SLC22A9: variants seen among roughly 807,000 people sequenced by gnomAD.
SLC22A9 encodes the protein organic anion transporter 7.
Under a neutral mutation model 50.1 loss-of-function variants are expected in SLC22A9, and 64 were observed. The observed-to-expected ratio is 1.28, with a 90% CI of 1.04 to 1.57. The LOEUF (loss-of-function observed/expected upper bound fraction) is 1.57. Ranked by LOEUF, SLC22A9 falls within the 40% of genes most tolerant of loss-of-function variation. SLC22A9 has a pLI of 0.00. For missense variants in SLC22A9, 757 were observed against 676.1 expected (o/e 1.12, Z -1.33); for synonymous variants, 261 against 242.5 (o/e 1.08, Z -0.71).
Position 63,406,722 on chromosome 11 carries a change from A to G in SLC22A9, c.1288+11A>G, listed in dbSNP as rs745968481. The G allele has an allele frequency of 3.7e-6, 6 of 1,612,530 alleles. No individual in the cohort carries two copies. In the Admixed American group the frequency reaches 5.0e-5, roughly 13 times the overall value. ...TATTTGTGCCACAAGGTGAGAAAAGATCACAGGTGGAAGAGAGAAATGCCT... is the reference window on the plus strand; with the variant it reads ...TATTTGTGCCACAAGGTGAGAAAAGGTCACAGGTGGAAGAGAGAAATGCCT... On this transcript the variant is annotated intron_variant, in intron 7 of 9. Coordinates refer to ENST00000279178, the MANE Select transcript of SLC22A9 (RefSeq NM_080866.3).
chr11:63,406,336 T>A (rs7104489), intron 6 of SLC22A9, among the ~76,000 whole-genome samples, 161 bp from the exon 7 acceptor site: 35,108 of 152,122 alleles, frequency 0.23, 4,722 homozygotes, highest in East Asian at 0.69. Context: ...CATTATCACT[T>A]AATAGATTTC....
intron 5 of SLC22A9, among the ~76,000 whole-genome samples, chr11:63,377,298 A>T (rs1053079463): frequency 6.6e-6 from 1 of 152,066 alleles, no homozygotes; most frequent in Non-Finnish European, 1.5e-5. Flanking sequence ...CACATCAGCC[A>T]TAAAACAATC....
At chr11:63,394,705 G>A (rs866640784) in intron 6 of SLC22A9, among the ~76,000 whole-genome samples, 2 of 152,086 alleles carry the variant, frequency 1.3e-5, no homozygotes, top group African/African-American at 4.8e-5. Context: ...ATGTGCCTAG[G>A]CGATTATCTA....
At chr11:63,407,699 T>C (rs1330772683) in intron 7 of SLC22A9, among the ~76,000 whole-genome samples, 6 of 152,200 alleles carry the variant, frequency 3.9e-5, no homozygotes, top group African/African-American at 9.6e-5. Flanking sequence ...ATACTGTGTA[T>C]GTACCTAGGT....
intron 6 of SLC22A9, among the ~76,000 whole-genome samples, chr11:63,398,395 G>A (rs1339189116): frequency 6.6e-6 from 1 of 152,146 alleles, no homozygotes; most frequent in African/African-American, 2.4e-5. Context: ...ACCAGGGTTT[G>A]CCTAGGAATA....
intron 2 of SLC22A9, among the ~76,000 whole-genome samples, 160 bp from the exon 3 acceptor site, chr11:63,373,484 T>C (rs2014401353): frequency 1.3e-5 from 2 of 152,166 alleles, no homozygotes; most frequent in South Asian, 2.1e-4. Flanking sequence ...ACAGGGAACA[T>C]TGTGTCTGAG....
intron 6 of SLC22A9, among the ~76,000 whole-genome samples, chr11:63,391,724 A>G (rs531231266): frequency 6.6e-6 from 1 of 152,122 alleles, no homozygotes; most frequent in Admixed American, 6.6e-5. Context: ...TCTTGTAAGC[A>G]ACAGATCATT....
At chr11:63,380,116 T>A (rs2014534530) in intron 5 of SLC22A9, among the ~76,000 whole-genome samples, 1 of 151,954 alleles carries the variant, frequency 6.6e-6, no homozygotes, top group African/African-American at 2.4e-5. Context: ...ATTAGATAAA[T>A]CAAATCAAAA....
At chr11:63,394,592 T>C (rs117715462) in intron 6 of SLC22A9, among the ~76,000 whole-genome samples, 3,507 of 152,264 alleles carry the variant, frequency 0.023, 63 homozygotes, top group Non-Finnish European at 0.034. Context: ...CTGAGAAATC[T>C]TCTGTTAATC....
At chr11:63,378,653 G>T (rs2014507224) in intron 5 of SLC22A9, among the ~76,000 whole-genome samples, 1 of 152,060 alleles carries the variant, frequency 6.6e-6, no homozygotes, top group Non-Finnish European at 1.5e-5. Flanking sequence ...CCTTGATCTG[G>T]TAAACAATTT....
intron 6 of SLC22A9, among the ~76,000 whole-genome samples, chr11:63,388,899 T>G (rs902046972): frequency 1.3e-5 from 2 of 152,146 alleles, no homozygotes; most frequent in African/African-American, 4.8e-5. Flanking sequence ...TGGTTCAACC[T>G]TGGTATGCTA....
At chr11:63,370,756 T>C (rs1167373132) in intron 1 of SLC22A9, among the ~76,000 whole-genome samples, 1 of 152,292 alleles carries the variant, frequency 6.6e-6, no homozygotes, top group South Asian at 2.1e-4. Context: ...CAGCCTGTCA[T>C]TGCAAATTAG....
chr11:63,405,798 A>G (rs971811829), intron 6 of SLC22A9, among the ~76,000 whole-genome samples: 4 of 152,136 alleles, frequency 2.6e-5, no homozygotes, highest in Non-Finnish European at 4.4e-5. Flanking sequence ...TTTTGTTGTC[A>G]TGTGAGCAAA....
intron 6 of SLC22A9, among the ~76,000 whole-genome samples, chr11:63,398,081 G>T (rs2014890781): frequency 6.6e-6 from 1 of 152,108 alleles, no homozygotes; most frequent in Non-Finnish European, 1.5e-5. Context: ...CAGGACCCAA[G>T]GTTTTTTAGT....
Position 63,409,389 on chromosome 11 carries a change from G to C in SLC22A9, c.1602-413G>C, listed in dbSNP as rs4357693. Among the ~76,000 whole-genome samples, 5 of 151,502 alleles carry C rather than the reference G, an allele frequency of 3.3e-5. No homozygotes were observed. In the East Asian group the frequency reaches 9.7e-4, roughly 29 times the overall value. On this transcript the variant is annotated intron_variant, in intron 9 of 9. Transcript: ENST00000279178. The stretch of plus-strand genomic sequence containing the variant: ...CCTGGTCTACAGTGGAATAAGAATT[G>C]TCTTGGGCCACACATAAAATACACT...
At chr11:63,379,757 A>T (rs1391540865) in intron 5 of SLC22A9, among the ~76,000 whole-genome samples, 2 of 152,304 alleles carry the variant, frequency 1.3e-5, no homozygotes, top group East Asian at 3.9e-4. Flanking sequence ...TTTGAGATGG[A>T]GTCTCACTCT....
chr11:63,369,965 G>T lies in SLC22A9; in HGVS notation c.-92G>T. On this transcript the variant is annotated 5_prime_UTR_variant, in exon 1 of 10. Transcript: ENST00000279178. Reference sequence around the variant, plus strand: ...TGGGGTCAGGATCAAAACACATTTAGTGTGACTTAGGGAAAGAAAACATTT... The same window carrying T: ...TGGGGTCAGGATCAAAACACATTTATTGTGACTTAGGGAAAGAAAACATTT... 3 of 1,291,772 alleles carry T rather than the reference G, an allele frequency of 2.3e-6. No homozygotes were observed. Among genetic ancestry groups the T allele is most frequent in the Non-Finnish European group, 3.2e-6 (3 of 936,416 alleles). The allele number at this position is 1,291,772 out of a possible 1,614,324, so 80.0% of individuals were successfully genotyped here.
intron 6 of SLC22A9, among the ~76,000 whole-genome samples, chr11:63,390,709 T>C (rs764327584): frequency 2.0e-5 from 3 of 151,884 alleles, no homozygotes; most frequent in Non-Finnish European, 4.4e-5. Flanking sequence ...TTTAAAGTAG[T>C]TTTTTCTAAT....
intron 4 of SLC22A9, among the ~76,000 whole-genome samples, chr11:63,374,710 G>A (rs11828961): frequency 2.6e-5 from 4 of 152,098 alleles, no homozygotes; most frequent in Non-Finnish European, 5.9e-5. Flanking sequence ...TTCCATGGTA[G>A]TCTATGTTTT....
Sources: allele counts gnomAD v4.1 joint callset (sites outside exome capture counted in the v4.1 genomes callset), GRCh38; gene constraint gnomAD v4.1.1; transcripts MANE v1.5; gene names NCBI Gene and HGNC (gene_info 2026-07-23, HGNC 2026-07-21).